MYCBP2: variants seen among roughly 807,000 people sequenced by gnomAD.
MYCBP2 encodes MYC binding protein 2.
Under a neutral mutation model 525.3 loss-of-function variants are expected in MYCBP2, and 120 were observed. The ratio of observed to expected loss-of-function variants is 0.23; its 90% CI spans 0.20 to 0.27. The LOEUF is 0.27. Ranked by LOEUF, MYCBP2 falls within the 10% of genes least tolerant of loss-of-function variation. The probability of loss-of-function intolerance (pLI) is 1.00; values close to 1 mark genes in which losing one functional copy is unlikely to be tolerated. For synonymous variants in MYCBP2, 1,894 were observed against 1,955.8 expected (o/e 0.97, Z 0.83); for missense variants, 4,149 against 5,657.1 (o/e 0.73, Z 8.55).
Position 77,126,468 on chromosome 13 carries a change from T to C in MYCBP2, c.7734A>G (p.Glu2578=), listed in dbSNP as rs750505177. 23 of 1,613,894 alleles carry C rather than the reference T, an allele frequency of 1.4e-5. 1 individual carries two copies. In the South Asian group the frequency reaches 2.5e-4, roughly 18 times the overall value. ...CTCCTCGCAAGAATGGCATATCTTGTTCTTGCATTGTTGCTTCCTGTGGGC... is the reference window on the plus strand; with the variant it reads ...CTCCTCGCAAGAATGGCATATCTTGCTCTTGCATTGTTGCTTCCTGTGGGC... ...SCCPQEATMQ[E]QDMPFLRGGP... The change falls in exon 53 of 83, where the codon GAA becomes GAG. Residue 2578 remains glutamate (E), a synonymous_variant. Transcript: ENST00000544440.
At chr13:77,203,853 C>G (rs1158545184) in intron 26 of MYCBP2, among the ~76,000 whole-genome samples, 15 of 151,874 alleles carry the variant, frequency 9.9e-5, no homozygotes, top group Non-Finnish European at 2.2e-4. Context: ...ATGTAGAAAG[C>G]TGAAACTGGA....
intron 14 of MYCBP2, among the ~76,000 whole-genome samples, chr13:77,257,149 C>T (rs2072378160): frequency 6.6e-6 from 1 of 152,076 alleles, no homozygotes; most frequent in Non-Finnish European, 1.5e-5. Flanking sequence ...ACCAACTTCA[C>T]ATGTTGTCAC....
In MYCBP2 at chr13:77,098,940, G is replaced by C; in HGVS notation, c.8214C>G (p.His2738Gln). 15 of 1,613,310 alleles carry C rather than the reference G, an allele frequency of 9.3e-6. No homozygotes were observed. Among genetic ancestry groups the C allele is most frequent in the Non-Finnish European group, 1.3e-5 (15 of 1,179,724 alleles). ...GTCCATCAGGTTTAAGCGATCTGCTGTGTTTAGAGGACAGCTCTGATTTTC... is the reference window on the plus strand; with the variant it reads ...GTCCATCAGGTTTAAGCGATCTGCTCTGTTTAGAGGACAGCTCTGATTTTC... Reference protein sequence around the residue: ...TSGKSELSSKHSRSLKPDGRM... With the variant: ...TSGKSELSSKQSRSLKPDGRM... Residue 2738 changes from histidine (H) to glutamine (Q), a missense_variant, in exon 56 of 83, where the codon CAC (histidine) becomes CAG (glutamine). Physicochemically the swap from His to Gln is conservative, Grantham distance 24. This residue lies in a region of MYCBP2 where 653 missense variants were observed against 744.7 expected (regional missense o/e 0.88). Coordinates refer to ENST00000544440, the MANE Select transcript of MYCBP2 (RefSeq NM_015057.5).
intron 35 of MYCBP2, among the ~76,000 whole-genome samples, chr13:77,177,334 CTTTTTTTTTTTT>C (rs748460042): frequency 2.4e-5 from 3 of 122,898 alleles, no homozygotes; most frequent in African/African-American, 6.2e-5. Context: ...TCTTTTCTTT[CTTTTTTTTTTTT>C]TTTTTTTTGA....
Position 77,090,109 on chromosome 13 carries a change from T to C in MYCBP2, c.10522A>G (p.Thr3508Ala). The C allele has an allele frequency of 1.5e-5, 24 of 1,608,330 alleles. No homozygotes were observed. Among genetic ancestry groups the C allele is most frequent in the Non-Finnish European group, 2.0e-5 (24 of 1,177,256 alleles). The change falls in exon 60 of 83, where the codon ACT (threonine) becomes GCT (alanine). Residue 3508 changes from threonine (T) to alanine (A), a missense_variant. By Grantham distance (58) the Thr-to-Ala change is moderately conservative. Around this residue, in one of 21 missense-constraint regions of MYCBP2, gnomAD observed 509 missense variants for 789.4 expected, o/e 0.64. Transcript: ENST00000544440. ...TCTTTTTTATCCTCATACTTACCAG[T>C]GTCTCCACTGTTAACTCTTCTTCTA... ...IPRRRVNSGD[T>A]EVGSSLLRHP...
intron 4 of MYCBP2, among the ~76,000 whole-genome samples, chr13:77,274,494 G>A (rs978647865): frequency 1.3e-5 from 2 of 152,120 alleles, no homozygotes. Flanking sequence ...AAAGGGAAGG[G>A]AGAGAAGGAG....
intron 17 of MYCBP2, among the ~76,000 whole-genome samples, chr13:77,235,883 G>A (rs1438173418): frequency 6.6e-6 from 1 of 151,994 alleles, no homozygotes; most frequent in Non-Finnish European, 1.5e-5. Flanking sequence ...GTAACAAGTA[G>A]CATAAAGGTT....
chr13:77,053,231 TA>T (rs1489566976), intron 80 of MYCBP2, among the ~76,000 whole-genome samples: 3 of 151,894 alleles, frequency 2.0e-5, no homozygotes, highest in African/African-American at 4.8e-5. Context: ...CAGTTTCCAA[TA>T]CAGACACTTG....
chr13:77,077,958 A>G lies in MYCBP2; in HGVS notation c.11485-571T>C, dbSNP rs2042603079. The G allele has an allele frequency of 2.0e-5, 3 of 152,462 alleles. No homozygotes were observed. In the South Asian group the frequency reaches 6.2e-4, roughly 32 times the overall value. The allele number at this position is 152,462 out of a possible 1,614,324, so 9.4% of individuals were successfully genotyped here. On this transcript the variant is annotated intron_variant, in intron 66 of 82. Transcript: ENST00000544440. ...TTTTTTTCAAGGATTAAATGTTAAT[A>G]TACTGTGAAATAGTTCTTGACACTA...
intron 10 of MYCBP2, among the ~76,000 whole-genome samples, chr13:77,263,369 A>G (rs1257308935): frequency 2.0e-5 from 3 of 152,050 alleles, no homozygotes; most frequent in African/African-American, 7.2e-5. Flanking sequence ...ATCCATCCAT[A>G]ATTCTCATTA....
In MYCBP2 at chr13:77,076,732, T is replaced by C. The variant is rs377553580; in HGVS notation, c.11823+19A>G. On this transcript the variant is annotated intron_variant, in intron 68 of 82. Transcript: ENST00000544440. Reference sequence around the variant, plus strand: ...GAATAAAAAAGGGAAATAAATATCTTTAGAATACAAATAAATACATTGTAT... The same window carrying C: ...GAATAAAAAAGGGAAATAAATATCTCTAGAATACAAATAAATACATTGTAT... 17 of 1,407,606 alleles carry C rather than the reference T, an allele frequency of 1.2e-5. No homozygotes were observed. The African/African-American group carries it at 2.3e-4, about 19-fold the overall frequency. 87.2% of individuals were successfully genotyped at this position (1,407,606 alleles called of 1,614,324 possible).
At chr13:77,157,795 T>C (rs1420168527) in intron 45 of MYCBP2, 142 bp downstream of exon 45, 4 of 678,094 alleles carry the variant, frequency 5.9e-6, no homozygotes, top group Non-Finnish European at 7.3e-6. Context: ...ATATTAACTA[T>C]CATTTTATAT....
intron 58 of MYCBP2, among the ~76,000 whole-genome samples, chr13:77,094,564 G>C (rs897508942): frequency 6.6e-6 from 1 of 152,092 alleles, no homozygotes; most frequent in Non-Finnish European, 1.5e-5. Flanking sequence ...CACTTTGAAC[G>C]GGCTTTCACA....
At chr13:77,255,557 G>A (rs955749256) in intron 14 of MYCBP2, among the ~76,000 whole-genome samples, 3 of 151,612 alleles carry the variant, frequency 2.0e-5, no homozygotes, top group Non-Finnish European at 4.4e-5. Context: ...AAAAAAACCC[G>A]ATTCTCCCCT....
At chr13:77,303,832 C>T (rs2079082749) in intron 1 of MYCBP2, among the ~76,000 whole-genome samples, 1 of 148,092 alleles carries the variant, frequency 6.8e-6, no homozygotes, top group African/African-American at 2.5e-5. Flanking sequence ...AGAAAGAAAA[C>T]CACAAATTAA....
At chr13:77,080,304 T>C (rs145975915) in intron 65 of MYCBP2, among the ~76,000 whole-genome samples, 99 of 152,292 alleles carry the variant, frequency 6.5e-4, no homozygotes, top group South Asian at 4.6e-3. Flanking sequence ...CCTACCACTG[T>C]GGCTCTTCCT....
chr13:77,206,503 A>T (rs2063355128), intron 24 of MYCBP2, 150 bp downstream of exon 24: 5 of 672,190 alleles, frequency 7.4e-6, no homozygotes, highest in Non-Finnish European at 1.1e-5. Context: ...TTTTCTGTGG[A>T]ATTAGCCTCT....
At chr13:77,310,076 C>T (rs1258082122) in intron 1 of MYCBP2, among the ~76,000 whole-genome samples, 1 of 152,170 alleles carries the variant, frequency 6.6e-6, no homozygotes, top group Non-Finnish European at 1.5e-5. Context: ...CGCCCCACTG[C>T]ACTCCAGCCT....
intron 82 of MYCBP2, among the ~76,000 whole-genome samples, chr13:77,050,408 G>A (rs1003026206): frequency 1.3e-5 from 2 of 151,900 alleles, no homozygotes; most frequent in Non-Finnish European, 1.5e-5. Flanking sequence ...TCTCACTTCC[G>A]TGAAGCCTGG....
Sources: allele counts gnomAD v4.1 joint callset (sites outside exome capture counted in the v4.1 genomes callset), GRCh38; gene constraint gnomAD v4.1.1; regional missense constraint gnomAD v4.1.1; transcripts MANE v1.5; gene names NCBI Gene and HGNC (gene_info 2026-07-23, HGNC 2026-07-21).